The following EML1 variants were observed in gnomAD, a reference collection of about 807,000 sequenced individuals.
EML1 encodes the protein EMAP like 1, also known as echinoderm microtubule-associated protein-like 1.
Under a neutral mutation model 110.4 loss-of-function variants are expected in EML1, and 27 were observed. The ratio of observed to expected loss-of-function variants is 0.24; its 90% CI spans 0.18 to 0.34. The LOEUF is 0.34. Ranked by LOEUF, EML1 falls within the 10% of genes least tolerant of loss-of-function variation. The pLI, the probability that EML1 is intolerant of heterozygous loss-of-function variation, is 1.00. For synonymous variants in EML1, 344 were observed against 385.8 expected (o/e 0.89, Z 1.27); for missense variants, 741 against 1,030.9 (o/e 0.72, Z 3.85).
intron 1 of EML1, among the ~76,000 whole-genome samples, chr14:99,840,066 A>T (rs1595365589): frequency 6.6e-6 from 1 of 152,238 alleles, no homozygotes; most frequent in Admixed American, 6.5e-5. Context: ...TACTAATAGG[A>T]TGACTCCGAA....
intron 2 of EML1, among the ~76,000 whole-genome samples, chr14:99,853,817 A>C (rs1189439240): frequency 1.3e-5 from 2 of 151,962 alleles, no homozygotes; most frequent in Non-Finnish European, 2.9e-5. Context: ...CTACAGGCAC[A>C]CGCCACCACA....
At chr14:99,875,705 G>T (rs1566911495) in intron 3 of EML1, among the ~76,000 whole-genome samples, 2 of 152,192 alleles carry the variant, frequency 1.3e-5, no homozygotes, top group African/African-American at 2.4e-5. Context: ...TTGTACTAAA[G>T]ACTGGGCGGA....
At chr14:99,882,906 C>T (rs1470808287) in intron 4 of EML1, among the ~76,000 whole-genome samples, 2 of 152,090 alleles carry the variant, frequency 1.3e-5, no homozygotes, top group East Asian at 3.9e-4. Flanking sequence ...CCCTCAACCC[C>T]GGGATCAGAC....
At chr14:99,753,743 G>A (rs1476976196) in intron 1 of EML1, among the ~76,000 whole-genome samples, 1 of 152,186 alleles carries the variant, frequency 6.6e-6, no homozygotes, top group Non-Finnish European at 1.5e-5. Context: ...CTATTTCTCT[G>A]TTGCTGCTTG....
At chr14:99,903,167 A>G (rs1433252514) in intron 9 of EML1, among the ~76,000 whole-genome samples, 1 of 152,244 alleles carries the variant, frequency 6.6e-6, no homozygotes, top group African/African-American at 2.4e-5. Flanking sequence ...ATAGCTCAAA[A>G]GAAAAGTTTT....
chr14:99,935,781 CAAAAA>C (rs1160100015), intron 17 of EML1, among the ~76,000 whole-genome samples: 3 of 83,724 alleles, frequency 3.6e-5, no homozygotes, highest in African/African-American at 1.5e-4. Flanking sequence ...GACTCCGTCT[CAAAAA>C]AAAAAAAAAA....
At chr14:99,776,443 G>T (rs2057483477) in intron 1 of EML1, among the ~76,000 whole-genome samples, 1 of 151,844 alleles carries the variant, frequency 6.6e-6, no homozygotes, top group African/African-American at 2.4e-5. Context: ...GGTAGAGGTT[G>T]CAGTGAGCTG....
At chr14:99,836,306 T>C (rs999526643) in intron 1 of EML1, among the ~76,000 whole-genome samples, 1 of 152,224 alleles carries the variant, frequency 6.6e-6, no homozygotes, top group Non-Finnish European at 1.5e-5. Context: ...GCCATTGTGT[T>C]TTAAATTTCA....
At chr14:99,901,523 TCTATAGAG>T (rs1429305939) in intron 9 of EML1, among the ~76,000 whole-genome samples, 2 of 152,192 alleles carry the variant, frequency 1.3e-5, no homozygotes, top group African/African-American at 4.8e-5. Context: ...GAATGTCTAC[TCTATAGAG>T]CAGCCCTGAG....
intron 1 of EML1, among the ~76,000 whole-genome samples, chr14:99,819,216 A>G (rs1178105541): frequency 6.6e-6 from 1 of 152,104 alleles, no homozygotes; most frequent in Non-Finnish European, 1.5e-5. Context: ...TGGCCTCCCA[A>G]GGTGTGGGGA....
chr14:99,739,582 T>C (rs1000948803), intron 1 of EML1, among the ~76,000 whole-genome samples: 5 of 152,244 alleles, frequency 3.3e-5, no homozygotes, highest in African/African-American at 1.2e-4. Flanking sequence ...TCTGCCCTGG[T>C]GGGCAGGTGG....
At chr14:99,932,328 T>C (rs1566945401) in intron 17 of EML1, among the ~76,000 whole-genome samples, 1 of 152,156 alleles carries the variant, frequency 6.6e-6, no homozygotes, top group Non-Finnish European at 1.5e-5. Flanking sequence ...GAAGTCCTGT[T>C]TCATTCATCT....
intron 3 of EML1, among the ~76,000 whole-genome samples, chr14:99,866,852 C>G (rs906047113): frequency 2.0e-5 from 3 of 152,088 alleles, no homozygotes; most frequent in Admixed American, 2.0e-4. Flanking sequence ...ATGATGTCCT[C>G]GACATGCATC....
intron 1 of EML1, among the ~76,000 whole-genome samples, chr14:99,767,705 C>T (rs2057381797): frequency 6.6e-6 from 1 of 151,916 alleles, no homozygotes; most frequent in African/African-American, 2.4e-5. Context: ...AGACCCTTTT[C>T]AAAAAACAAA....
chr14:99,868,633 C>T (rs1171953558), intron 3 of EML1, among the ~76,000 whole-genome samples: 2 of 151,964 alleles, frequency 1.3e-5, no homozygotes, highest in Admixed American at 1.3e-4. Flanking sequence ...TAGTCCTTCT[C>T]GTTTTTGTTA....
chr14:99,792,812 GGGCC>G (rs2057691888), upstream of EML1: 1 of 152,344 alleles, frequency 6.6e-6, no homozygotes, highest in Non-Finnish European at 1.5e-5. Flanking sequence ...CACTGAGGCA[GGGCC>G]TTGCTGCCGC....
chr14:99,941,212 G>A lies in EML1; in HGVS notation c.*1100G>A, dbSNP rs1205218212. 2 of 152,196 alleles carry A rather than the reference G, an allele frequency of 1.3e-5. No homozygotes were observed. The highest frequency in any genetic ancestry group is 2.9e-5 in the Non-Finnish European group (2 of 68,036). The allele number at this position is 152,196 out of a possible 1,614,324, so 9.4% of individuals were successfully genotyped here. On this transcript the variant is annotated 3_prime_UTR_variant, in exon 22 of 22. Transcript: ENST00000262233. ...TTGTCAAGAAGGCCTTATCCATTTC[G>A]ATTGTGTGACAGATTGAAATTTATT... is the stretch of plus-strand genomic sequence containing the variant.
intron 1 of EML1, among the ~76,000 whole-genome samples, chr14:99,797,615 G>T (rs1294901559): frequency 6.6e-6 from 1 of 152,218 alleles, no homozygotes; most frequent in Non-Finnish European, 1.5e-5. Flanking sequence ...AAGAGGGAAA[G>T]AAGTGGGAGC....
intron 8 of EML1, among the ~76,000 whole-genome samples, chr14:99,900,117 T>G (rs1027983568): frequency 6.6e-6 from 1 of 151,794 alleles, no homozygotes; most frequent in African/African-American, 2.4e-5. Context: ...TTTAAACCAA[T>G]TATAACAATT....
Sources: gnomAD v4.1 joint callset for allele counts (sites outside exome capture counted in the v4.1 genomes callset) on GRCh38, gnomAD v4.1.1 for gene constraint, MANE v1.5 for transcripts, NCBI Gene and HGNC (gene_info 2026-07-23, HGNC 2026-07-21) for gene names.